The following DLGAP2 variants were observed in gnomAD, a reference collection of about 807,000 sequenced individuals.
DLGAP2 encodes the protein DLG associated protein 2.
DLGAP2 carries 26 observed loss-of-function variants against 100.3 expected under a neutral mutation model. The observed-to-expected ratio is 0.26, with a 90% CI of 0.19 to 0.36. The LOEUF (loss-of-function observed/expected upper bound fraction) is 0.36, where lower values mean the gene tolerates loss of function less well. DLGAP2 is among the 10% of genes least tolerant of loss of function. DLGAP2 has a pLI of 1.00. For synonymous variants in DLGAP2, 886 were observed against 630.1 expected, an observed-to-expected ratio of 1.41 and a Z score of -6.08; for missense variants, 1,858 against 1,453.2, an observed-to-expected ratio of 1.28 and a Z score of -4.53.
intron 2 of DLGAP2, among the ~76,000 whole-genome samples, chr8:943,252 G>A (rs886387961): frequency 1.5e-4 from 23 of 152,084 alleles, no homozygotes; most frequent in Admixed American, 3.9e-4. Flanking sequence ...TCTAGGGATC[G>A]CATTCTCAGG....
chr8:1,188,328 C>G (rs1323872806), intron 2 of DLGAP2, among the ~76,000 whole-genome samples: 12 of 141,236 alleles, frequency 8.5e-5, no homozygotes, highest in Non-Finnish European at 1.2e-4. Context: ...TGACGTTTCC[C>G]TCACGGAATC....
intron 2 of DLGAP2, among the ~76,000 whole-genome samples, chr8:1,236,333 ACATGGCG>A (rs1798654740): frequency 1.8e-5 from 1 of 54,842 alleles, no homozygotes; most frequent in Non-Finnish European, 3.6e-5. Flanking sequence ...TGGTTCTCTC[ACATGGCG>A]CCGTGTCTAG....
intron 3 of DLGAP2, among the ~76,000 whole-genome samples, chr8:1,295,144 C>T (rs1253119038): frequency 3.3e-5 from 5 of 152,286 alleles, no homozygotes; most frequent in East Asian, 1.9e-4. Context: ...AAACTCGTCT[C>T]CTTGGGTGTC....
At chr8:814,850 C>CAAAAAAAA (rs34412684) in intron 1 of DLGAP2, among the ~76,000 whole-genome samples, 3 of 61,852 alleles carry the variant, frequency 4.9e-5, no homozygotes, top group East Asian at 5.0e-4. Flanking sequence ...GACTCCGTCT[C>CAAAAAAAA]AAAAAAAAAA....
At chr8:1,288,768 G>A (rs998423990) in intron 3 of DLGAP2, among the ~76,000 whole-genome samples, 1 of 147,106 alleles carries the variant, frequency 6.8e-6, no homozygotes, top group African/African-American at 2.5e-5. Flanking sequence ...AACTAGTTTC[G>A]GTTCAGTGTG....
In DLGAP2 at chr8:1,047,545, C is replaced by T. The variant is rs557062773; in HGVS notation, c.73+139579C>T. Among the ~76,000 whole-genome samples the T allele has an allele frequency of 1.1e-4, 17 of 152,246 alleles. No individual in the cohort carries two copies. The East Asian group carries it at 2.7e-3, about 24-fold the overall frequency. ...ACTGCTGCCACAGAATAGCCTGGAT[C>T]GAGTGTCTTATAAACAACAGTATTT... On this transcript the variant is annotated intron_variant, in intron 2 of 14. Transcript: ENST00000637795.
intron 1 of DLGAP2, among the ~76,000 whole-genome samples, chr8:888,418 C>T (rs772446212): frequency 3.3e-5 from 5 of 152,128 alleles, no homozygotes; most frequent in South Asian, 2.1e-4. Context: ...CAGTTCTGCA[C>T]GCTGACTTGT....
intron 2 of DLGAP2, among the ~76,000 whole-genome samples, chr8:1,191,172 C>G (rs949459871): frequency 5.0e-4 from 65 of 130,520 alleles, no homozygotes; most frequent in Admixed American, 2.5e-4. Context: ...TAAGTAGATA[C>G]ATTTTTTTTT....
intron 3 of DLGAP2, among the ~76,000 whole-genome samples, chr8:1,478,606 C>T (rs1205822552): frequency 6.6e-6 from 1 of 151,972 alleles, no homozygotes; most frequent in East Asian, 1.9e-4. Context: ...ACCTGGATGG[C>T]AGCCACCCCC....
chr8:1,472,244 G>A (rs1392949049), intron 3 of DLGAP2, among the ~76,000 whole-genome samples: 1 of 152,190 alleles, frequency 6.6e-6, no homozygotes, highest in Non-Finnish European at 1.5e-5. Flanking sequence ...GAGGGGGGTT[G>A]AGCCATGCGG....
chr8:1,439,291 G>C (rs545659121), intron 3 of DLGAP2, among the ~76,000 whole-genome samples: 1 of 152,184 alleles, frequency 6.6e-6, no homozygotes, highest in East Asian at 1.9e-4. Context: ...AGGGAAGGAG[G>C]GACAGAGGCT....
chr8:1,158,373 CAGT>C (rs1796831607), intron 2 of DLGAP2, among the ~76,000 whole-genome samples: 1 of 152,214 alleles, frequency 6.6e-6, no homozygotes, highest in East Asian at 1.9e-4. Context: ...CTAATTCCCT[CAGT>C]AGACAGTGTG....
chr8:1,431,721 C>T (rs1195781519), intron 3 of DLGAP2, among the ~76,000 whole-genome samples: 1 of 152,104 alleles, frequency 6.6e-6, no homozygotes, highest in African/African-American at 2.4e-5. Context: ...GCTTACTCTC[C>T]TGGGCTATTG....
intron 2 of DLGAP2, among the ~76,000 whole-genome samples, chr8:1,187,150 C>T (rs1797522959): frequency 6.6e-6 from 1 of 152,226 alleles, no homozygotes; most frequent in African/African-American, 2.4e-5. Context: ...ATATTGACTG[C>T]AATTTAACAA....
At chr8:1,031,556 G>T (rs1801972636) in intron 2 of DLGAP2, among the ~76,000 whole-genome samples, 1 of 152,002 alleles carries the variant, frequency 6.6e-6, no homozygotes, top group Admixed American at 6.6e-5. Context: ...GGACTATAGG[G>T]TGCATGTCAC....
intron 2 of DLGAP2, among the ~76,000 whole-genome samples, chr8:1,091,812 C>T (rs1165115964): frequency 6.6e-6 from 1 of 151,924 alleles, no homozygotes; most frequent in African/African-American, 2.4e-5. Context: ...CTCCGCAGCC[C>T]CTGTAATTCC....
intron 2 of DLGAP2, among the ~76,000 whole-genome samples, chr8:1,198,778 C>G (rs989723431): frequency 6.6e-6 from 1 of 152,258 alleles, no homozygotes; most frequent in Non-Finnish European, 1.5e-5. Flanking sequence ...GATGCTTCCC[C>G]TTTCCCTCGG....
At chr8:1,118,420 C>A (rs1563201260) in intron 2 of DLGAP2, among the ~76,000 whole-genome samples, 3 of 152,206 alleles carry the variant, frequency 2.0e-5, no homozygotes, top group Non-Finnish European at 4.4e-5. Flanking sequence ...GTAAAGTGCT[C>A]ATTTTAGCTG....
intron 2 of DLGAP2, among the ~76,000 whole-genome samples, chr8:1,200,027 G>A (rs1025307422): frequency 6.6e-6 from 1 of 152,116 alleles, no homozygotes. Flanking sequence ...AGTGTGGGGA[G>A]GCTGGGGGTG....
Sources: gnomAD v4.1 joint callset for allele counts (sites outside exome capture counted in the v4.1 genomes callset) on GRCh38, gnomAD v4.1.1 for gene constraint, MANE v1.5 for transcripts, NCBI Gene and HGNC (gene_info 2026-07-23, HGNC 2026-07-21) for gene names.